RASEF: variants seen among roughly 807,000 people sequenced by gnomAD.
RASEF encodes the protein ras and EF-hand domain-containing protein.
A neutral mutation model predicts 90.1 loss-of-function variants in RASEF; 68 were observed. The ratio of observed to expected loss-of-function variants is 0.75; its 90% CI spans 0.62 to 0.92. The LOEUF (loss-of-function observed/expected upper bound fraction) is 0.92, where lower values mean the gene tolerates loss of function less well. Ranked by LOEUF, RASEF falls within the 40% of genes least tolerant of loss-of-function variation. The pLI is 0.00. For synonymous variants in RASEF, 331 were observed against 345.2 expected, an observed-to-expected ratio of 0.96 and a Z score of 0.46; for missense variants, 949 against 937.2, an observed-to-expected ratio of 1.01 and a Z score of -0.16.
At chr9:83,075,016 GACCA>G in the RASEF span, among the ~76,000 whole-genome samples, 1 of 152,090 alleles carries the variant, frequency 6.6e-6, no homozygotes, top group South Asian at 2.1e-4. Flanking sequence ...AATACCAACT[GACCA>G]TCATCTGCAT....
chr9:83,131,568 T>C, the RASEF span, among the ~76,000 whole-genome samples: 2 of 152,204 alleles, frequency 1.3e-5, no homozygotes, highest in African/African-American at 2.4e-5. Flanking sequence ...CCATTCAATT[T>C]GATAAGGACT....
the RASEF span, among the ~76,000 whole-genome samples, chr9:83,095,555 A>C: frequency 6.6e-6 from 1 of 151,398 alleles, no homozygotes; most frequent in Non-Finnish European, 1.5e-5. Context: ...TGCTTAAGTA[A>C]ACAATTAATT....
the RASEF span, among the ~76,000 whole-genome samples, chr9:83,075,821 TG>T: frequency 6.6e-6 from 1 of 151,860 alleles, no homozygotes; most frequent in Non-Finnish European, 1.5e-5. Flanking sequence ...TTAAAGCTCC[TG>T]TTCCCAGAAG....
chr9:83,079,172 C>T, the RASEF span, among the ~76,000 whole-genome samples: 1 of 152,034 alleles, frequency 6.6e-6, no homozygotes, highest in Non-Finnish European at 1.5e-5. Context: ...TTTCAGGGTT[C>T]CTATAGTTTT....
At chr9:83,203,012 T>C in the RASEF span, among the ~76,000 whole-genome samples, 2 of 152,146 alleles carry the variant, frequency 1.3e-5, no homozygotes, top group Non-Finnish European at 2.9e-5. Context: ...TTCTCTTATA[T>C]GGACCCAACT....
At position 82,998,428 on chromosome 9, in the gene RASEF, T is replaced by C. The variant is rs1828961643; in HGVS notation, c.1742A>G (p.Lys581Arg). The part of the protein sequence containing the change: ...SATLGVDFQM[K>R]TLIVDGERTV... ...TCGTTCTCCATCCACAATGAGGGTTTTCATTTGGAAATCAACTCCTGAAAA... is the reference window on the plus strand; with the variant it reads ...TCGTTCTCCATCCACAATGAGGGTTCTCATTTGGAAATCAACTCCTGAAAA... The change falls in exon 13 of 17, where the codon AAA (lysine) becomes AGA (arginine). Residue 581 changes from lysine to arginine, a missense_variant. Lys to Arg is a conservative substitution (Grantham distance 26). Around this residue, in one of 3 missense-constraint regions of RASEF, gnomAD observed 288 missense variants for 328.4 expected, o/e 0.88. Coordinates refer to ENST00000376447, the MANE Select transcript of RASEF (RefSeq NM_152573.4). 1.2e-6 allele frequency: 2 copies of C among 1,611,234 alleles called. No individual in the cohort carries two copies. The highest frequency in any genetic ancestry group is 2.7e-5 in the African/African-American group (2 of 74,998).
chr9:83,024,788 C>T (rs73469420), intron 2 of RASEF, among the ~76,000 whole-genome samples: 4,516 of 152,272 alleles, frequency 0.03, 207 homozygotes, highest in African/African-American at 0.1. Context: ...TTCAACTAGA[C>T]AGTTTCAGCA....
chr9:83,176,157 G>A, the RASEF span, among the ~76,000 whole-genome samples: 2 of 152,066 alleles, frequency 1.3e-5, no homozygotes, highest in African/African-American at 2.4e-5. Flanking sequence ...AGATCTGCTG[G>A]ATTCTCCTTT....
chr9:83,029,519 A>G (rs1377338938), intron 1 of RASEF, among the ~76,000 whole-genome samples: 2 of 150,468 alleles, frequency 1.3e-5, no homozygotes, highest in African/African-American at 4.9e-5. Context: ...CAGCCTCCTG[A>G]GTAGCTGAGA....
chr9:83,058,540 C>A (rs994787781), intron 1 of RASEF, among the ~76,000 whole-genome samples: 2 of 152,076 alleles, frequency 1.3e-5, no homozygotes, highest in Non-Finnish European at 2.9e-5. Context: ...TGTCAAGCAC[C>A]GTTTCATGTA....
chr9:83,168,431 C>A, the RASEF span, among the ~76,000 whole-genome samples: 12 of 152,084 alleles, frequency 7.9e-5, no homozygotes, highest in African/African-American at 2.6e-4. Flanking sequence ...TACAACCATA[C>A]AATGTGTAAT....
chr9:83,005,345 T>C, intron 8 of RASEF, 71 bp downstream of exon 8: 1 of 1,103,874 alleles, frequency 9.1e-7, no homozygotes, highest in Non-Finnish European at 1.4e-6. Flanking sequence ...AGAAATTACA[T>C]TATTTTCATC....
the RASEF span, among the ~76,000 whole-genome samples, chr9:83,116,323 G>C: frequency 6.6e-6 from 1 of 152,048 alleles, no homozygotes; most frequent in African/African-American, 2.4e-5. Flanking sequence ...CACACTCCTT[G>C]GTGATTTTTT....
chr9:83,068,159 G>A (rs1437884010), upstream of RASEF, among the ~76,000 whole-genome samples: 3 of 152,330 alleles, frequency 2.0e-5, no homozygotes, highest in East Asian at 1.9e-4. Context: ...GGCGTGAGCC[G>A]CCATACCTGG....
intron 1 of RASEF, among the ~76,000 whole-genome samples, chr9:83,027,013 A>AC (rs1442588498): frequency 2.0e-5 from 3 of 152,110 alleles, no homozygotes; most frequent in African/African-American, 7.2e-5. Flanking sequence ...GGTTCCCGTG[A>AC]CCCCCTCTTC....
chr9:83,008,343 T>A (rs1238050920), intron 6 of RASEF, among the ~76,000 whole-genome samples: 1 of 152,192 alleles, frequency 6.6e-6, no homozygotes, highest in Non-Finnish European at 1.5e-5. Flanking sequence ...TTAAACTAGC[T>A]TTTAAACTTT....
At chr9:83,209,161 T>G in the RASEF span, among the ~76,000 whole-genome samples, 1 of 152,198 alleles carries the variant, frequency 6.6e-6, no homozygotes, top group Non-Finnish European at 1.5e-5. Context: ...TTCCATTTGC[T>G]AAATAATGAG....
chr9:83,164,985 G>A, the RASEF span, among the ~76,000 whole-genome samples: 1 of 151,894 alleles, frequency 6.6e-6, no homozygotes, highest in African/African-American at 2.4e-5. Flanking sequence ...CCTAACATCA[G>A]AGAATCAAAA....
Position 83,044,045 on chromosome 9 carries a change from T to C in RASEF, c.432-18124A>G, listed in dbSNP as rs117110916. ...ATACTTCTGGCTTCCCTGTGCTCTC[T>C]ATTACATCCCTGTTAGTAACTTCCA... On this transcript the variant is annotated intron_variant, in intron 1 of 16. Transcript: ENST00000376447. Among the ~76,000 whole-genome samples, 205 of 152,304 alleles carry C rather than the reference T, an allele frequency of 1.3e-3. 1 individual carries two copies. Among genetic ancestry groups the C allele is most frequent in the Middle Eastern group, 6.8e-3 (2 of 294 alleles).
Sources: gnomAD v4.1 joint callset for allele counts (sites outside exome capture counted in the v4.1 genomes callset) on GRCh38, gnomAD v4.1.1 for gene constraint, gnomAD v4.1.1 regional missense constraint, MANE v1.5 for transcripts, NCBI Gene and HGNC (gene_info 2026-07-23, HGNC 2026-07-21) for gene names.